Variants in ST18 observed in about 807,000 individuals in gnomAD.
ST18 encodes the protein suppression of tumorigenicity 18 protein.
A neutral mutation model predicts 110.0 loss-of-function variants in ST18; 50 were observed. The ratio of observed to expected loss-of-function variants is 0.45; its 90% CI spans 0.36 to 0.58. The LOEUF is 0.58. Among genes scored for constraint, ST18 ranks in the 20% least tolerant of loss-of-function variants. The pLI is 0.00. For missense variants in ST18, 1,306 were observed against 1,280.1 expected, an observed-to-expected ratio of 1.02 and a Z score of -0.31; for synonymous variants, 461 against 452.4, an observed-to-expected ratio of 1.02 and a Z score of -0.24.
chr8:52,206,244 A>T (rs1331428923), intron 8 of ST18, among the ~76,000 whole-genome samples: 1 of 152,182 alleles, frequency 6.6e-6, no homozygotes, highest in Admixed American at 6.5e-5. Flanking sequence ...CGCTGTGCAC[A>T]TTGTTCCCAC....
chr8:52,171,916 C>T lies in ST18; in HGVS notation c.945G>A (p.Glu315=), dbSNP rs748453556. The change falls in exon 10 of 26, where the codon GAG becomes GAA. Residue 315 remains glutamate, a synonymous_variant. Transcript: ENST00000689386. ...LLEQAIALQA[E]RGCVFHNTYK... is the part of the protein sequence containing the mutation. ...AGGTGTTATGGAAAACACAACCTCGCTCAGCCTGCAGAGCAATTGCCTGCT... is the reference window on the plus strand; with the variant it reads ...AGGTGTTATGGAAAACACAACCTCGTTCAGCCTGCAGAGCAATTGCCTGCT... The T allele has an allele frequency of 1.6e-5, 26 of 1,614,134 alleles. No homozygotes were observed. Among genetic ancestry groups the T allele is most frequent in the Admixed American group, 1.7e-5 (1 of 60,012 alleles).
chr8:52,316,829 T>C lies in ST18; in HGVS notation c.-464-86752A>G, dbSNP rs145175298. On this transcript the variant is annotated intron_variant, in intron 2 of 25. Transcript: ENST00000689386. ...TACATCTTTAAACTTCTTATTTTAC[T>C]GTATTAGCAAGGACCTCCAGAACCA... Among the ~76,000 whole-genome samples, 914 of 152,304 alleles carry C rather than the reference T, an allele frequency of 6.0e-3. 6 individuals are homozygous for C. The highest frequency in any genetic ancestry group is 0.021 in the African/African-American group (866 of 41,564).
At chr8:52,407,440 G>T (rs1844902551) in intron 2 of ST18, 1 of 135,006 alleles carries the variant, frequency 7.4e-6, no homozygotes, top group South Asian at 2.6e-4. Context: ...CTGAATTTGT[G>T]ATTTTTTCAA....
chr8:52,295,399 G>T (rs568756036), intron 2 of ST18, among the ~76,000 whole-genome samples: 6 of 152,076 alleles, frequency 3.9e-5, no homozygotes, highest in South Asian at 2.1e-4. Flanking sequence ...TTTTAAACTG[G>T]CTTTTTTTCC....
chr8:52,164,235 C>T, intron 12 of ST18, 145 bp from the exon 13 acceptor site: 1 of 689,258 alleles, frequency 1.5e-6, no homozygotes, highest in South Asian at 1.9e-5. Context: ...ACTGAAAGAT[C>T]CCAAAGGGTT....
At chr8:52,261,851 C>A (rs1382850235) in intron 2 of ST18, among the ~76,000 whole-genome samples, 3 of 152,120 alleles carry the variant, frequency 2.0e-5, no homozygotes, top group East Asian at 1.9e-4. Flanking sequence ...CTATTCCCAG[C>A]CTTCAGTATT....
intron 2 of ST18, among the ~76,000 whole-genome samples, chr8:52,321,184 A>G (rs1803740714): frequency 6.6e-6 from 1 of 152,118 alleles, no homozygotes; most frequent in Admixed American, 6.6e-5. Flanking sequence ...GGGAAGAGAC[A>G]CTCCAATCTC....
chr8:52,292,564 C>T (rs938138628), intron 2 of ST18, among the ~76,000 whole-genome samples: 1 of 152,184 alleles, frequency 6.6e-6, no homozygotes, highest in Non-Finnish European at 1.5e-5. Flanking sequence ...ATTCTGAACT[C>T]TGACGTGTTA....
chr8:52,209,979 A>T (rs2135912156), intron 8 of ST18: 2 of 448,230 alleles, frequency 4.5e-6, no homozygotes, highest in South Asian at 3.1e-5. Flanking sequence ...ACACACATTA[A>T]TTCCTTAAAG....
chr8:52,227,624 T>C (rs1274572445), intron 3 of ST18, among the ~76,000 whole-genome samples: 1 of 152,238 alleles, frequency 6.6e-6, no homozygotes, highest in Non-Finnish European at 1.5e-5. Context: ...GATGGTCAAA[T>C]TAGATACCTA....
In ST18 at chr8:52,161,396, T is replaced by C; in HGVS notation, c.1573A>G (p.Lys525Glu). Residue 525 changes from lysine to glutamate, a missense_variant, in exon 14 of 26, where the codon AAA (lysine) becomes GAA (glutamate). Coordinates refer to ENST00000689386, the MANE Select transcript of ST18 (RefSeq NM_001352837.2). ...TTACATTCAGGAAATGGTGGTGTTT[T>C]TCGTCCTTGCACTGTTTGTATGAGA... ...RPLIQTVQGR[K>E]TPPFPESKHF... The C allele has an allele frequency of 6.2e-7, 1 of 1,613,912 alleles. No individual in the cohort carries two copies. The highest frequency in any genetic ancestry group is 8.5e-7 in the Non-Finnish European group (1 of 1,179,920).
Position 52,133,291 on chromosome 8 carries a change from G to T in ST18, c.2311C>A (p.Pro771Thr), listed in dbSNP as rs779730896. 1.2e-6 allele frequency: 2 copies of T among 1,614,142 alleles called. No individual in the cohort carries two copies. The highest frequency in any genetic ancestry group is 1.7e-6 in the Non-Finnish European group (2 of 1,180,034). ...ACGTGCCCCGAGCCATCGCAGCCTG[G>T]GGTTGGACACCTGGAAGGCACAGGA... Reference protein sequence around the residue: ...ANSQELKCPTPGCDGSGHVTG... With the variant: ...ANSQELKCPTTGCDGSGHVTG... The change falls in exon 20 of 26, where the codon CCA becomes ACA. Residue 771 changes from proline (P) to threonine (T), a missense_variant. Transcript: ENST00000689386.
chr8:52,376,702 C>G (rs1223908766), intron 2 of ST18, among the ~76,000 whole-genome samples: 1 of 152,122 alleles, frequency 6.6e-6, no homozygotes, highest in Non-Finnish European at 1.5e-5. Flanking sequence ...GCACCTAGAA[C>G]AGAGCCCGGT....
chr8:52,130,124 AAAGAAAGAAAG>A (rs2048824123), intron 22 of ST18, among the ~76,000 whole-genome samples: 2 of 104,590 alleles, frequency 1.9e-5, no homozygotes, highest in Non-Finnish European at 4.2e-5. Flanking sequence ...GAAAGAAAAG[AAAGAAAGAAAG>A]AAAGAAAGAA....
At chr8:52,315,222 A>G (rs1391356370) in intron 2 of ST18, among the ~76,000 whole-genome samples, 1 of 152,240 alleles carries the variant, frequency 6.6e-6, no homozygotes, top group Non-Finnish European at 1.5e-5. Context: ...AAATTCAACA[A>G]GGCTTTGCCG....
intron 2 of ST18, among the ~76,000 whole-genome samples, chr8:52,298,333 T>C (rs1016280562): frequency 6.6e-6 from 1 of 152,170 alleles, no homozygotes; most frequent in Non-Finnish European, 1.5e-5. Flanking sequence ...ATTCAAAGCA[T>C]GGAATATTAA....
In ST18 at chr8:52,220,730, T is replaced by C. The variant is rs2086322003; in HGVS notation, c.-157+11A>G. ...TGTTCTACTTTTTAATAAATAAAAA[T>C]GTCGCCTTACCTCTCTTTTTCTCCA... On this transcript the variant is annotated intron_variant, in intron 5 of 25. Transcript: ENST00000689386. The C allele has an allele frequency of 6.6e-6, 1 of 152,186 alleles. No individual in the cohort carries two copies. Among genetic ancestry groups the C allele is most frequent in the African/African-American group, 2.4e-5 (1 of 41,438 alleles). 9.4% of individuals were successfully genotyped at this position (152,186 alleles called of 1,614,324 possible).
Position 52,143,035 on chromosome 8 carries a change from A to C in ST18, c.2063T>G (p.Val688Gly). 1 of 1,607,620 alleles carries C rather than the reference A, an allele frequency of 6.2e-7. No individual in the cohort carries two copies. ...KTEEEKEKDP[V>G]SSLENLEEKK... ...TTCCTCTAAATTTTCTAGAGAGCTC[A>C]CTGGGTCTTTCTGGAAAACAAACAA... The change falls in exon 17 of 26, where the codon GTG becomes GGG. Residue 688 changes from valine to glycine, a missense_variant. Coordinates refer to ENST00000689386, the MANE Select transcript of ST18 (RefSeq NM_001352837.2).
intron 2 of ST18, among the ~76,000 whole-genome samples, chr8:52,317,083 AT>A (rs879518267): frequency 3.3e-5 from 5 of 151,884 alleles, no homozygotes; most frequent in South Asian, 2.1e-4. Flanking sequence ...TAGTATTTTG[AT>A]TTTTTTTCAA....
Sources: allele counts gnomAD v4.1 joint callset (sites outside exome capture counted in the v4.1 genomes callset), GRCh38; gene constraint gnomAD v4.1.1; transcripts MANE v1.5; gene names NCBI Gene and HGNC (gene_info 2026-07-23, HGNC 2026-07-21).